Variants in SRGAP1 observed in about 807,000 individuals in gnomAD.
The protein encoded by SRGAP1 is SLIT-ROBO Rho GTPase activating protein 1.
In SRGAP1, 43 loss-of-function variants were observed where a neutral mutation model predicts 121.9. The ratio of observed to expected loss-of-function variants is 0.35; its 90% CI spans 0.28 to 0.46. The LOEUF (loss-of-function observed/expected upper bound fraction) is 0.46. Ranked by LOEUF, SRGAP1 falls within the 20% of genes least tolerant of loss-of-function variation. SRGAP1 has a pLI of 1.00. For synonymous variants in SRGAP1, 447 were observed against 485.4 expected, an observed-to-expected ratio of 0.92 and a Z score of 1.04; for missense variants, 1,102 against 1,350.9, an observed-to-expected ratio of 0.82 and a Z score of 2.89.
intron 6 of SRGAP1, among the ~76,000 whole-genome samples, chr12:64,046,045 G>T (rs2035124286): frequency 6.6e-6 from 1 of 152,218 alleles, no homozygotes; most frequent in Admixed American, 6.5e-5. Flanking sequence ...TACCTGAGTA[G>T]AGGAGTGAGC....
chr12:63,968,904 G>T (rs1052076400), intron 1 of SRGAP1, among the ~76,000 whole-genome samples: 1 of 152,188 alleles, frequency 6.6e-6, no homozygotes. Flanking sequence ...AGTGGCAGAG[G>T]CTCAATGCCA....
intron 15 of SRGAP1, among the ~76,000 whole-genome samples, chr12:64,106,094 A>T (rs926512003): frequency 2.0e-5 from 3 of 152,140 alleles, no homozygotes; most frequent in Non-Finnish European, 2.9e-5. Context: ...ATCATAGCTC[A>T]CTGGAGCTTC....
chr12:63,887,016 G>A (rs1287185048), intron 1 of SRGAP1, among the ~76,000 whole-genome samples: 1 of 152,118 alleles, frequency 6.6e-6, no homozygotes, highest in African/African-American at 2.4e-5. Flanking sequence ...TGGGATTACA[G>A]GCATCCGCCA....
chr12:64,072,152 G>GTGTGT (rs1169791185), intron 8 of SRGAP1, among the ~76,000 whole-genome samples: 1 of 50,518 alleles, frequency 2.0e-5, no homozygotes, highest in African/African-American at 4.6e-5. Flanking sequence ...GTGTGTGGGC[G>GTGTGT]GCGGGGGGGG....
chr12:64,049,559 C>T (rs2035197845), intron 6 of SRGAP1, among the ~76,000 whole-genome samples: 3 of 152,162 alleles, frequency 2.0e-5, no homozygotes, highest in South Asian at 2.1e-4. Flanking sequence ...CAATTACCTC[C>T]CACCTGGTCC....
chr12:64,025,432 G>A (rs2034632894), intron 4 of SRGAP1, among the ~76,000 whole-genome samples: 1 of 152,212 alleles, frequency 6.6e-6, no homozygotes, highest in African/African-American at 2.4e-5. Context: ...CTTGAGAAGG[G>A]AGGAGTGGGG....
intron 1 of SRGAP1, among the ~76,000 whole-genome samples, chr12:63,949,961 G>C (rs897675802): frequency 2.0e-5 from 3 of 152,162 alleles, no homozygotes; most frequent in African/African-American, 7.2e-5. Flanking sequence ...CATAATTCTA[G>C]AAGAGTTAAA....
chr12:63,934,313 C>T (rs1389008020), intron 1 of SRGAP1, among the ~76,000 whole-genome samples: 1 of 152,140 alleles, frequency 6.6e-6, no homozygotes. Flanking sequence ...GCTCTACTCC[C>T]GTACTGCCAG....
At chr12:63,880,166 C>T (rs1900148295) in intron 1 of SRGAP1, among the ~76,000 whole-genome samples, 1 of 152,194 alleles carries the variant, frequency 6.6e-6, no homozygotes, top group South Asian at 2.1e-4. Context: ...CGTTCCTTTT[C>T]TCCTCCTTCG....
chr12:63,943,129 T>G (rs962057532), intron 1 of SRGAP1, among the ~76,000 whole-genome samples: 5 of 152,204 alleles, frequency 3.3e-5, no homozygotes, highest in Non-Finnish European at 5.9e-5. Context: ...ACAGTATTTT[T>G]TTTTCTTAGT....
chr12:64,012,060 T>C (rs1565638127), intron 3 of SRGAP1, among the ~76,000 whole-genome samples: 1 of 151,760 alleles, frequency 6.6e-6, no homozygotes, highest in East Asian at 1.9e-4. Flanking sequence ...AGACCCTGTG[T>C]CAAACAAACA....
intron 1 of SRGAP1, among the ~76,000 whole-genome samples, chr12:63,850,185 T>A (rs1899029785): frequency 1.3e-5 from 2 of 152,166 alleles, no homozygotes; most frequent in South Asian, 4.1e-4. Context: ...AACAAGGCCT[T>A]TACAGTGCCC....
In SRGAP1 at chr12:64,128,177, C is replaced by G. The variant is rs113302231; in HGVS notation, c.2857C>G (p.Leu953Val). ...CACGGGCTTCAATGACCACAAGCCA[C>G]TGGACCCAGAGACAATTGCTCAGGT... is the stretch of plus-strand genomic sequence containing the variant. ...QYTGFNDHKP[L>V]DPETIAQDIE... Residue 953 changes from leucine to valine, a missense_variant, in exon 21 of 22, where the codon CTG becomes GTG. Physicochemically the swap from Leu to Val is conservative, Grantham distance 32. Around this residue, in one of 3 missense-constraint regions of SRGAP1, gnomAD observed 315 missense variants for 343.1 expected, o/e 0.92. Coordinates refer to ENST00000355086, the MANE Select transcript of SRGAP1 (RefSeq NM_020762.4). The G allele has an allele frequency of 2.1e-3, 3,432 of 1,611,612 alleles. 67 individuals are homozygous for G. In the African/African-American group the frequency reaches 0.04, roughly 19 times the overall value.
chr12:64,146,000 T>C lies in SRGAP1; in HGVS notation c.*3328T>C, dbSNP rs2037045758. On this transcript the variant is annotated 3_prime_UTR_variant, in exon 22 of 22. Coordinates refer to ENST00000355086, the MANE Select transcript of SRGAP1 (RefSeq NM_020762.4). Reference sequence around the variant, plus strand: ...GATATAACTGTGTGTTCACATCCCATCCATAGAACTCACTGAAGGAGATTC... The same window carrying C: ...GATATAACTGTGTGTTCACATCCCACCCATAGAACTCACTGAAGGAGATTC... 1 of 152,160 alleles carries C rather than the reference T, an allele frequency of 6.6e-6. No homozygotes were observed. Among genetic ancestry groups the C allele is most frequent in the Non-Finnish European group, 1.5e-5 (1 of 68,042 alleles). 9.4% of individuals were successfully genotyped at this position (152,160 alleles called of 1,614,324 possible). A position where few individuals can be genotyped will look rare whatever the true frequency, so the allele number is the denominator to read the frequency against.
chr12:64,091,460 C>A (rs2036051275), intron 12 of SRGAP1, 82 bp downstream of exon 12: 5 of 957,694 alleles, frequency 5.2e-6, no homozygotes, highest in Non-Finnish European at 7.9e-6. Context: ...GGAGGAAGGT[C>A]ATTATGTCCA....
In SRGAP1 at chr12:63,955,053, C is replaced by T. The variant is rs560461831; in HGVS notation, c.68-28894C>T. Reference sequence around the variant, plus strand: ...AAATAAAAGGCCCGGCGCGGTGGCTCGCGCCTATAATCCCAGCACTTTGGG... The same window carrying T: ...AAATAAAAGGCCCGGCGCGGTGGCTTGCGCCTATAATCCCAGCACTTTGGG... On this transcript the variant is annotated intron_variant, in intron 1 of 21. Coordinates refer to ENST00000355086, the MANE Select transcript of SRGAP1 (RefSeq NM_020762.4). 5.3e-5 allele frequency among the ~76,000 whole-genome samples: 8 copies of T among 152,270 alleles called. No homozygotes were observed. In the East Asian group the frequency reaches 1.2e-3, roughly 22 times the overall value.
At position 64,092,988 on chromosome 12, in the gene SRGAP1, C is replaced by T. The variant is rs531248806; in HGVS notation, c.1539+1610C>T. On this transcript the variant is annotated intron_variant, in intron 12 of 21. Transcript: ENST00000355086. ...GGAAAATTCACTTATAGGAGCTCTT[C>T]ACAGCCCAGATGGCACATTGAAGAA... Among the ~76,000 whole-genome samples, 11 of 152,258 alleles carry T rather than the reference C, an allele frequency of 7.2e-5. No individual in the cohort carries two copies. The South Asian group carries it at 2.3e-3, about 32-fold the overall frequency.
At chr12:63,898,131 T>C (rs1900814646) in intron 1 of SRGAP1, among the ~76,000 whole-genome samples, 1 of 152,226 alleles carries the variant, frequency 6.6e-6, no homozygotes, top group Non-Finnish European at 1.5e-5. Flanking sequence ...ATACAGCTAA[T>C]GTTGGTCTTT....
chr12:63,916,247 A>C (rs2030773082), intron 1 of SRGAP1, among the ~76,000 whole-genome samples: 2 of 152,004 alleles, frequency 1.3e-5, no homozygotes, highest in East Asian at 3.9e-4. Context: ...CTGGTCTCAA[A>C]TTCCTGAGCT....
Sources: allele counts gnomAD v4.1 joint callset (sites outside exome capture counted in the v4.1 genomes callset), GRCh38; gene constraint gnomAD v4.1.1; regional missense constraint gnomAD v4.1.1; transcripts MANE v1.5; gene names NCBI Gene and HGNC (gene_info 2026-07-23, HGNC 2026-07-21).